KIFC3: variants seen among roughly 807,000 people sequenced by gnomAD.
KIFC3 encodes the protein kinesin family member C3.
A neutral mutation model predicts 101.8 loss-of-function variants in KIFC3; 60 were observed. That is an observed-to-expected ratio of 0.59 (90% CI 0.48 to 0.73). The LOEUF is 0.73. Ranked by LOEUF, KIFC3 falls within the 30% of genes least tolerant of loss-of-function variation. The pLI is 0.00. For missense variants in KIFC3, 966 were observed against 1,137.1 expected, an observed-to-expected ratio of 0.85 and a Z score of 2.16; for synonymous variants, 476 against 482.7, an observed-to-expected ratio of 0.99 and a Z score of 0.18.
chr16:57,817,026 C>T (rs536788455), intron 1 of KIFC3: 8 of 322,066 alleles, frequency 2.5e-5, no homozygotes, highest in Admixed American at 1.9e-4. Context: ...GGGCTGCCGT[C>T]GCAAACTGCC....
intron 1 of KIFC3, among the ~76,000 whole-genome samples, chr16:57,841,761 G>A (rs772956014): frequency 6.6e-6 from 1 of 152,086 alleles, no homozygotes; most frequent in Non-Finnish European, 1.5e-5. Flanking sequence ...CCTCTCAAAT[G>A]CGCGTTGCCC....
chr16:57,759,448 A>T, intron 18 of KIFC3: 1 of 582,530 alleles, frequency 1.7e-6, no homozygotes, highest in Non-Finnish European at 3.1e-6. Flanking sequence ...ATGCTCAGAG[A>T]GCAGGGTCCC....
chr16:57,816,781 A>G (rs782455627), intron 1 of KIFC3: 5 of 456,576 alleles, frequency 1.1e-5, no homozygotes, highest in Admixed American at 7.0e-5. Flanking sequence ...CCTTCCAGGC[A>G]GGAGCTCATG....
chr16:57,858,954 T>TA (rs1245067175), intron 1 of KIFC3, among the ~76,000 whole-genome samples: 76 of 150,820 alleles, frequency 5.0e-4, no homozygotes, highest in African/African-American at 1.6e-3. Flanking sequence ...TCTCAAAAAA[T>TA]AAAAAAAAGA....
At chr16:57,797,965 C>A in intron 2 of KIFC3, 107 bp downstream of exon 2, 4 of 1,544,276 alleles carry the variant, frequency 2.6e-6, no homozygotes, top group Non-Finnish European at 3.5e-6. Context: ...CTGTAATTAC[C>A]TGACAGCTCT....
chr16:57,771,079 G>T, intron 6 of KIFC3, 119 bp downstream of exon 6: 1 of 1,303,050 alleles, frequency 7.7e-7, no homozygotes, highest in South Asian at 1.3e-5. Context: ...GAACTGGAAT[G>T]ATTCTTCCAC....
At chr16:57,837,651 G>A (rs2055723342) in intron 1 of KIFC3, among the ~76,000 whole-genome samples, 1 of 152,128 alleles carries the variant, frequency 6.6e-6, no homozygotes, top group African/African-American at 2.4e-5. Flanking sequence ...CCCAGCATTT[G>A]TTCTGGGCAG....
In KIFC3 at chr16:57,798,159, C is replaced by G. The variant is rs553342543; in HGVS notation, c.85G>C (p.Glu29Gln). The G allele has an allele frequency of 3.2e-6, 5 of 1,542,612 alleles. No homozygotes were observed. Among genetic ancestry groups the G allele is most frequent in the East Asian group, 2.4e-5 (1 of 41,046 alleles). The part of the protein sequence containing the change: ...LWRVGRAPEP[E>Q]PGMARPAPAP... Reference sequence around the variant, plus strand: ...GGGGCGGGGCGAGCCATCCCCGGCTCGGGCTCCGGGGCCCGGCCCACTCTC... The same window carrying G: ...GGGGCGGGGCGAGCCATCCCCGGCTGGGGCTCCGGGGCCCGGCCCACTCTC... The change falls in exon 2 of 20, where the codon GAG becomes CAG. Residue 29 changes from glutamate (E) to glutamine (Q), a missense_variant. Physicochemically the swap from Glu to Gln is conservative, Grantham distance 29. Transcript: ENST00000445690.
intron 1 of KIFC3, among the ~76,000 whole-genome samples, chr16:57,840,723 G>A (rs557085662): frequency 6.8e-6 from 1 of 147,456 alleles, no homozygotes; most frequent in African/African-American, 2.5e-5. Flanking sequence ...TCTCGCCACC[G>A]CACTCCAGCC....
At chr16:57,758,993 C>G in intron 19 of KIFC3, 84 bp from the exon 20 acceptor site, 1 of 1,536,304 alleles carries the variant, frequency 6.5e-7, no homozygotes, top group East Asian at 2.3e-5. Context: ...AGGAGGGAAC[C>G]CAGCAAAAGC....
intron 1 of KIFC3, among the ~76,000 whole-genome samples, chr16:57,858,842 C>T (rs2056234874): frequency 1.3e-5 from 2 of 152,072 alleles, no homozygotes; most frequent in African/African-American, 2.4e-5. Flanking sequence ...CTCAGCTACT[C>T]CGGAGGCTGA....
At chr16:57,847,760 TTGTGTGTGTGTGTGTGTGTGTGTG>T (rs35081728) in intron 1 of KIFC3, among the ~76,000 whole-genome samples, 1 of 139,708 alleles carries the variant, frequency 7.2e-6, no homozygotes, top group African/African-American at 2.7e-5. Flanking sequence ...CCAGATGAAT[TTGTGTGTGTGTGTGTGTGTGTGTG>T]TGTGTGTGTG....
rs1019901025 is a variant in KIFC3 at position 57,798,615 on chromosome 16, C to T, written c.-39-333G>A. ...CTAGCCCCACACAGAGGAGGCACCG[C>T]GAGTCAGCAGCATCTCCGTAAGTCT... On this transcript the variant is annotated intron_variant, in intron 1 of 19. Transcript: ENST00000445690. 4.4e-5 allele frequency: 18 copies of T among 413,120 alleles called. No homozygotes were observed. The South Asian group carries it at 4.4e-4, about 10-fold the overall frequency. 25.6% of individuals were successfully genotyped at this position (413,120 alleles called of 1,614,324 possible). A position where few individuals can be genotyped will look rare whatever the true frequency, so the allele number is the denominator to read the frequency against.
chr16:57,769,040 TTTTG>T lies in KIFC3; in HGVS notation c.1218+551_1218+554del, dbSNP rs1449249808. Among the ~76,000 whole-genome samples the T allele has an allele frequency of 6.6e-6, 1 of 152,136 alleles. No homozygotes were observed. Among genetic ancestry groups the T allele is most frequent in the Non-Finnish European group, 1.5e-5 (1 of 68,036 alleles). On this transcript the variant is annotated intron_variant, in intron 9 of 19. Coordinates refer to ENST00000445690, the MANE Select transcript of KIFC3 (RefSeq NM_001130100.2). This position sits in a 1 kb window ranked among gnomAD's most constrained non-coding sequence, Gnocchi z 4.3. ...TTAAAAAATACGTATGTAGCATGTT[TTTTG>T]TTTGTTTTTGAGATAAAGTCTCGCT...
intron 3 of KIFC3, chr16:57,782,174 C>T (rs1041913088): frequency 1.3e-5 from 13 of 982,304 alleles, no homozygotes; most frequent in Non-Finnish European, 1.3e-5. Context: ...AGTTGACCAT[C>T]TTTTTTCTGT....
chr16:57,793,741 A>T (rs782009544), intron 3 of KIFC3, among the ~76,000 whole-genome samples: 1 of 150,994 alleles, frequency 6.6e-6, no homozygotes, highest in Non-Finnish European at 1.5e-5. Flanking sequence ...AGGTAGGAGA[A>T]TCACTTGAAC....
intron 6 of KIFC3, 46 bp downstream of exon 6, chr16:57,771,152 C>A: frequency 6.2e-7 from 1 of 1,600,692 alleles, no homozygotes. Context: ...GCCCCAGGTG[C>A]CAGGGGCCTT....
At chr16:57,770,021 G>A (rs1333649313) in intron 7 of KIFC3, 66 bp from the exon 8 acceptor site, 15 of 1,553,290 alleles carry the variant, frequency 9.7e-6, no homozygotes, top group East Asian at 2.2e-5. Context: ...GTGCCACACC[G>A]AGAAAGAAAC....
chr16:57,790,971 C>T (rs1238037684), intron 3 of KIFC3: 1 of 976,894 alleles, frequency 1.0e-6, no homozygotes, highest in Non-Finnish European at 1.2e-6. Context: ...CAGTGGCTCA[C>T]ACCTGTAATC....
Sources: allele counts gnomAD v4.1 joint callset (sites outside exome capture counted in the v4.1 genomes callset), GRCh38; gene constraint gnomAD v4.1.1; non-coding constraint Gnocchi (gnomAD v3.1); transcripts MANE v1.5; gene names NCBI Gene and HGNC (gene_info 2026-07-23, HGNC 2026-07-21).